The following CC2D2A variants were observed in gnomAD, a reference collection of about 807,000 sequenced individuals.
CC2D2A encodes coiled-coil and C2 domain-containing protein 2A.
CC2D2A carries 155 observed loss-of-function variants against 212.9 expected under a neutral mutation model. That is an observed-to-expected ratio of 0.73 (90% CI 0.64 to 0.83). The LOEUF (loss-of-function observed/expected upper bound fraction) is 0.83. Ranked by LOEUF, CC2D2A falls within the 40% of genes least tolerant of loss-of-function variation. The probability of loss-of-function intolerance (pLI) is 0.00; values close to 1 mark genes in which losing one functional copy is unlikely to be tolerated. For missense variants in CC2D2A, 1,856 were observed against 1,956.2 expected (o/e 0.95, Z 0.97); for synonymous variants, 667 against 686.5 (o/e 0.97, Z 0.44).
At chr4:15,525,798 A>C (rs957142790) in intron 11 of CC2D2A, among the ~76,000 whole-genome samples, 1 of 152,190 alleles carries the variant, frequency 6.6e-6, no homozygotes, top group East Asian at 1.9e-4. Context: ...ATAGTATGGG[A>C]GTTGTGGTCT....
chr4:15,577,286 G>GCAC (rs1720456288), intron 29 of CC2D2A, among the ~76,000 whole-genome samples: 2 of 152,176 alleles, frequency 1.3e-5, no homozygotes, highest in African/African-American at 4.8e-5. Context: ...GTGAGCCACT[G>GCAC]CACCTGGCCA....
intron 14 of CC2D2A, among the ~76,000 whole-genome samples, chr4:15,536,152 T>C (rs1718118221): frequency 6.6e-6 from 1 of 152,016 alleles, no homozygotes; most frequent in African/African-American, 2.4e-5. Flanking sequence ...ACCCAAATCC[T>C]CCATCCAAAG....
At chr4:15,517,141 G>T (rs1002381425) in intron 11 of CC2D2A, among the ~76,000 whole-genome samples, 8 of 151,616 alleles carry the variant, frequency 5.3e-5, no homozygotes, top group Admixed American at 1.3e-4. Flanking sequence ...TAGAGATGGG[G>T]TTTCACCGTG....
Position 15,555,199 on chromosome 4 carries a change from C to T in CC2D2A, c.2614C>T (p.Gln872Ter). The change falls in exon 20 of 37, where the codon CAG becomes TAG. Residue 872 changes from glutamine to a stop codon, truncating the protein, a stop_gained. Coordinates refer to ENST00000424120, the MANE Select transcript of CC2D2A (RefSeq NM_001378615.1). LOFTEE classifies it high-confidence loss of function. The stretch of plus-strand genomic sequence containing the variant: ...TGACCCCAACAATGCCCCTTTGATG[C>T]AGCTTATCTCGGTATGTAGCAGGAG... Reference protein sequence around the residue: ...PNDPNNAPLMQLISVATSGES... With the variant: ...PNDPNNAPLM The T allele has an allele frequency of 6.2e-7, 1 of 1,613,342 alleles. No individual in the cohort carries two copies. Among genetic ancestry groups the T allele is most frequent in the Non-Finnish European group, 8.5e-7 (1 of 1,179,614 alleles).
chr4:15,533,544 CATT>C (rs1361989061), intron 14 of CC2D2A: 1 of 387,910 alleles, frequency 2.6e-6, no homozygotes, highest in Non-Finnish European at 4.6e-6. Context: ...CTTTTGTGAT[CATT>C]GTTTTCTTGC....
Position 15,527,661 on chromosome 4 carries a change from A to C in CC2D2A, c.1359+5A>C. ...GCGAAATTTCTTACTGATAAGGTACATGTGATTTCTTCCATAATGATTGTC... is the reference window on the plus strand; with the variant it reads ...GCGAAATTTCTTACTGATAAGGTACCTGTGATTTCTTCCATAATGATTGTC... On this transcript the variant is annotated splice_donor_5th_base_variant and intron_variant, in intron 12 of 36. Transcript: ENST00000424120. The C allele has an allele frequency of 6.3e-7, 1 of 1,590,424 alleles. No homozygotes were observed. Among genetic ancestry groups the C allele is most frequent in the Non-Finnish European group, 8.6e-7 (1 of 1,165,982 alleles).
intron 4 of CC2D2A, among the ~76,000 whole-genome samples, chr4:15,499,614 A>G (rs950335107): frequency 1.3e-5 from 2 of 152,180 alleles, no homozygotes; most frequent in South Asian, 4.1e-4. Context: ...AATTCATAAA[A>G]TTGTTCTAGT....
intron 16 of CC2D2A, among the ~76,000 whole-genome samples, chr4:15,539,204 A>C (rs1210169454): frequency 6.6e-6 from 1 of 152,218 alleles, no homozygotes; most frequent in East Asian, 1.9e-4. Flanking sequence ...GTTCTACCTG[A>C]GACTTACTGA....
chr4:15,525,642 T>C (rs1006204857), intron 11 of CC2D2A, among the ~76,000 whole-genome samples: 1 of 152,234 alleles, frequency 6.6e-6, no homozygotes, highest in Non-Finnish European at 1.5e-5. Flanking sequence ...TGGAAGCTGA[T>C]CCATGTCCCA....
At chr4:15,483,017 G>A (rs1317236738) in intron 4 of CC2D2A, among the ~76,000 whole-genome samples, 1 of 152,218 alleles carries the variant, frequency 6.6e-6, no homozygotes, top group Non-Finnish European at 1.5e-5. Flanking sequence ...GCTGGAAGCT[G>A]CTGATGAATT....
chr4:15,522,318 G>A (rs763088957), intron 11 of CC2D2A, among the ~76,000 whole-genome samples: 5 of 152,228 alleles, frequency 3.3e-5, no homozygotes, highest in Admixed American at 2.6e-4. Context: ...GCCTCAGAGC[G>A]CTTGGATCTG....
At chr4:15,530,043 C>T (rs1717756461) in intron 13 of CC2D2A, among the ~76,000 whole-genome samples, 2 of 151,942 alleles carry the variant, frequency 1.3e-5, no homozygotes, top group African/African-American at 2.4e-5. Context: ...GCGATTTCGG[C>T]TCACTGCAAG....
chr4:15,514,616 T>C, intron 8 of CC2D2A, 91 bp from the exon 9 acceptor site: 1 of 953,254 alleles, frequency 1.0e-6, no homozygotes. Context: ...TTGTAGGAAA[T>C]GTTAAGTTTC....
intron 30 of CC2D2A, among the ~76,000 whole-genome samples, chr4:15,580,433 T>A (rs1053885751): frequency 2.0e-5 from 3 of 151,738 alleles, no homozygotes; most frequent in Admixed American, 6.6e-5. Context: ...AGGCCAGGAG[T>A]TTGACACTAG....
chr4:15,580,516 TA>T lies in CC2D2A; in HGVS notation c.3975+346del, dbSNP rs1720615115. ...AGCCTGGTGTGGTGGTGCATGCCTG[TA>T]GTCCCAGCTACTCGGGAGGCTGAGG... On this transcript the variant is annotated intron_variant, in intron 30 of 36. Transcript: ENST00000424120. 3.3e-5 allele frequency among the ~76,000 whole-genome samples: 5 copies of T among 151,890 alleles called. No homozygotes were observed. In the South Asian group the frequency reaches 1.0e-3, roughly 32 times the overall value.
rs547806439 is a variant in CC2D2A at position 15,527,023 on chromosome 4, A to C, written c.1150-424A>C. ...AAATGAAGCCTTCTCCACATGTTTT[A>C]AAATGTAAATACATGGGGTATGTCC... On this transcript the variant is annotated intron_variant, in intron 11 of 36. Transcript: ENST00000424120. 1.1e-3 allele frequency among the ~76,000 whole-genome samples: 163 copies of C among 152,302 alleles called. 1 individual carries two copies. The highest frequency in any genetic ancestry group is 3.8e-3 in the African/African-American group (156 of 41,554).
intron 20 of CC2D2A, among the ~76,000 whole-genome samples, chr4:15,555,617 T>C (rs1450461166): frequency 6.6e-6 from 1 of 152,152 alleles, no homozygotes; most frequent in Non-Finnish European, 1.5e-5. Flanking sequence ...CGCATGCCTA[T>C]AGTCCCAGCT....
intron 33 of CC2D2A, among the ~76,000 whole-genome samples, chr4:15,592,513 A>C (rs1361009849): frequency 6.6e-6 from 1 of 152,202 alleles, no homozygotes; most frequent in Non-Finnish European, 1.5e-5. Context: ...TCTGTCATTT[A>C]ACATAAAAAT....
At chr4:15,554,133 C>A (rs557679762) in intron 19 of CC2D2A, among the ~76,000 whole-genome samples, 1 of 152,170 alleles carries the variant, frequency 6.6e-6, no homozygotes, top group East Asian at 1.9e-4. Flanking sequence ...AAGTCAGAAG[C>A]CACTTCCAGT....
Sources: gnomAD v4.1 joint callset for allele counts (sites outside exome capture counted in the v4.1 genomes callset) on GRCh38, gnomAD v4.1.1 for gene constraint, MANE v1.5 for transcripts, NCBI Gene and HGNC (gene_info 2026-07-23, HGNC 2026-07-21) for gene names.